PIR: variants seen among roughly 807,000 people sequenced by gnomAD.
PIR encodes pirin (iron-binding nuclear protein).
Under a neutral mutation model 24.2 loss-of-function variants are expected in PIR, and 22 were observed. The ratio of observed to expected loss-of-function variants is 0.91; its 90% CI spans 0.65 to 1.30. The LOEUF (loss-of-function observed/expected upper bound fraction) is 1.30. Among genes scored for constraint, PIR ranks in the 50% most tolerant of loss-of-function variants. The pLI, the probability that PIR is intolerant of heterozygous loss-of-function variation, is 0.00. For missense variants in PIR, 220 were observed against 220.3 expected, an observed-to-expected ratio of 1.00 and a Z score of 0.01; for synonymous variants, 80 against 79.6, an observed-to-expected ratio of 1.00 and a Z score of -0.03.
intron 6 of PIR, among the ~76,000 whole-genome samples, chrX:15,409,332 C>T (rs1198186534): frequency 1.4e-4 from 15 of 108,697 alleles, no homozygotes; most frequent in Admixed American, 1.3e-3. Flanking sequence ...CTCCTGACCT[C>T]GTGATCCACC....
chrX:15,445,516 C>G (rs1304296326), intron 5 of PIR, among the ~76,000 whole-genome samples: 2 of 111,448 alleles, frequency 1.8e-5, no homozygotes, highest in Non-Finnish European at 3.8e-5. Flanking sequence ...CACATGTACC[C>G]CACAACTTAA....
chrX:15,491,728 TACTC>T (rs781521936), intron 1 of PIR, among the ~76,000 whole-genome samples: 62 of 111,438 alleles, frequency 5.6e-4, no homozygotes, highest in African/African-American at 1.8e-3. Context: ...GATACACAAA[TACTC>T]ACCACGGTGT....
At chrX:15,451,960 C>G (rs1920970259) in intron 5 of PIR, among the ~76,000 whole-genome samples, 1 of 111,718 alleles carries the variant, frequency 9.0e-6, no homozygotes, top group Admixed American at 9.5e-5. Context: ...CCCAGCAACC[C>G]TCTGAGCTGG....
intron 7 of PIR, among the ~76,000 whole-genome samples, chrX:15,398,531 A>G (rs1162059224): frequency 9.0e-6 from 1 of 111,151 alleles, no homozygotes; most frequent in Non-Finnish European, 1.9e-5. Flanking sequence ...AGACAAGAGA[A>G]AAGATTGCAG....
intron 2 of PIR, among the ~76,000 whole-genome samples, chrX:15,487,954 T>G (rs1047520206): frequency 5.7e-4 from 64 of 112,108 alleles, no homozygotes; most frequent in African/African-American, 2.0e-3. Flanking sequence ...AGATATTTCT[T>G]TAGAGACAGA....
At position 15,425,954 on chromosome X, in the gene PIR, C is replaced by T. The variant is rs780763035; in HGVS notation, c.517G>A (p.Asp173Asn). The T allele has an allele frequency of 7.5e-6, 9 of 1,195,436 alleles. No homozygotes were observed. The highest frequency in any genetic ancestry group is 9.1e-6 in the Non-Finnish European group (8 of 882,727). Residue 173 changes from aspartate to asparagine, a missense_variant, in exon 6 of 10, where the codon GAC becomes AAC. Transcript: ENST00000380420. ...TTGGCTCCTGGGTCCAATTTGAAGT[C>T]CAAATATAAGGTTGGTGTGCGAGTG... ...VYTRTPTLYL[D>N]FKLDPGAKHS...
chrX:15,461,431 G>A (rs1921294323), intron 3 of PIR, among the ~76,000 whole-genome samples: 1 of 112,646 alleles, frequency 8.9e-6, no homozygotes, highest in Non-Finnish European at 1.9e-5. Flanking sequence ...ATTCTATGCT[G>A]CCCAATAGAG....
rs1445124317 is a variant in PIR at position 15,428,788 on chromosome X, T to C, written c.481-2798A>G. Among the ~76,000 whole-genome samples the C allele has an allele frequency of 3.6e-5, 4 of 111,682 alleles. No individual in the cohort carries two copies. The Admixed American group carries it at 3.8e-4, about 11-fold the overall frequency. On this transcript the variant is annotated intron_variant, in intron 5 of 9. Coordinates refer to ENST00000380420, the MANE Select transcript of PIR (RefSeq NM_001018109.3). The stretch of plus-strand genomic sequence containing the variant: ...CTTCCCAAAGTGCTGGGATTATAGG[T>C]GTGAGCCACCGTGCCCAGCTAGAGG...
chrX:15,471,682 T>C (rs1363825118), intron 3 of PIR, among the ~76,000 whole-genome samples: 2 of 112,074 alleles, frequency 1.8e-5, no homozygotes, highest in Non-Finnish European at 3.8e-5. Flanking sequence ...CCTTACTAAA[T>C]GGGCAAATTT....
chrX:15,445,869 G>A (rs1370072546), intron 5 of PIR, among the ~76,000 whole-genome samples: 2 of 73,291 alleles, frequency 2.7e-5, no homozygotes, highest in Non-Finnish European at 4.6e-5. Flanking sequence ...TCGCTCTGTC[G>A]CCCAGGCTGA....
At chrX:15,400,387 G>A (rs564938181) in intron 7 of PIR, among the ~76,000 whole-genome samples, 412 of 111,832 alleles carry the variant, frequency 3.7e-3, no homozygotes, top group South Asian at 0.014. Flanking sequence ...CATTACCCAC[G>A]TGGTCCACTC....
intron 6 of PIR, among the ~76,000 whole-genome samples, chrX:15,418,538 C>T (rs1321911257): frequency 8.9e-6 from 1 of 111,969 alleles, no homozygotes; most frequent in Non-Finnish European, 1.9e-5. Context: ...CTGTCAGAAA[C>T]TCGACAAATT....
chrX:15,434,381 GAAGGAGGAGA>G (rs1483669624), intron 5 of PIR, among the ~76,000 whole-genome samples: 1 of 107,281 alleles, frequency 9.3e-6, no homozygotes, highest in Admixed American at 1.0e-4. Flanking sequence ...GGAGAAAAAA[GAAGGAGGAGA>G]AAGGAGGAGT....
chrX:15,425,034 T>TAA (rs200003791), intron 6 of PIR, among the ~76,000 whole-genome samples: 1 of 100,783 alleles, frequency 9.9e-6, no homozygotes, highest in African/African-American at 3.6e-5. Context: ...TAGCCAGAAT[T>TAA]AAAAAAAAAA....
At chrX:15,469,127 G>C (rs1238664752) in intron 3 of PIR, among the ~76,000 whole-genome samples, 1 of 111,245 alleles carries the variant, frequency 9.0e-6, no homozygotes, top group Admixed American at 9.6e-5. Context: ...ACTCCTCAAT[G>C]GTGGGTGGGG....
At chrX:15,449,857 TTCTTTTTG>T (rs1279548014) in intron 5 of PIR, among the ~76,000 whole-genome samples, 2 of 112,091 alleles carry the variant, frequency 1.8e-5, no homozygotes, top group African/African-American at 6.5e-5. Context: ...TTTTTTGCTG[TTCTTTTTG>T]TCTTTAGAAT....
intron 3 of PIR, among the ~76,000 whole-genome samples, chrX:15,469,299 C>A (rs1204661991): frequency 9.0e-6 from 1 of 111,251 alleles, no homozygotes; most frequent in Non-Finnish European, 1.9e-5. Flanking sequence ...AGGAAAAGGC[C>A]CACTACTTTG....
chrX:15,461,814 C>CA (rs1168013184), intron 3 of PIR, among the ~76,000 whole-genome samples: 2 of 111,548 alleles, frequency 1.8e-5, no homozygotes, highest in Non-Finnish European at 3.8e-5. Flanking sequence ...AAAACAAAAA[C>CA]AAAAAAAATT....
At chrX:15,409,094 C>T (rs7876481) in intron 6 of PIR, among the ~76,000 whole-genome samples, 2,019 of 90,722 alleles carry the variant, frequency 0.022, 56 homozygotes, top group African/African-American at 0.081. Flanking sequence ...CGTTTTTCTC[C>T]CTTTTTTTTT....
Sources: gnomAD v4.1 joint callset for allele counts (sites outside exome capture counted in the v4.1 genomes callset) on GRCh38, gnomAD v4.1.1 for gene constraint, MANE v1.5 for transcripts, NCBI Gene and HGNC (gene_info 2026-07-23, HGNC 2026-07-21) for gene names.